BCL2L13: variants seen among roughly 807,000 people sequenced by gnomAD.
BCL2L13 encodes bcl-2-like protein 13.
In BCL2L13, 13 loss-of-function variants were observed where a neutral mutation model predicts 25.8. That is an observed-to-expected ratio of 0.50 (90% CI 0.33 to 0.80). The LOEUF (loss-of-function observed/expected upper bound fraction) is 0.80. BCL2L13 is among the 30% of genes least tolerant of loss of function. The pLI is 0.02. For missense variants in BCL2L13, 504 were observed against 574.9 expected, an observed-to-expected ratio of 0.88 and a Z score of 1.26; for synonymous variants, 244 against 230.3, an observed-to-expected ratio of 1.06 and a Z score of -0.54.
chr22:17,706,224 G>A lies in BCL2L13; in HGVS notation c.600+3838G>A, dbSNP rs1197482327. ...GAGGTTTCACTATGTTGCCCAAGCT[G>A]GTCTCAAACTCCTGGCCTCAAGCAA... On this transcript the variant is annotated intron_variant, in intron 6 of 6. Transcript: ENST00000317582. 6.6e-5 allele frequency among the ~76,000 whole-genome samples: 10 copies of A among 152,020 alleles called. 1 individual carries two copies. Among genetic ancestry groups the A allele is most frequent in the East Asian group, 1.9e-4 (1 of 5,188 alleles).
chr22:17,633,244 T>C (rs1471279885), intron 1 of BCL2L13, among the ~76,000 whole-genome samples: 1 of 152,196 alleles, frequency 6.6e-6, no homozygotes, highest in Non-Finnish European at 1.5e-5. Flanking sequence ...TTCTCCCCCA[T>C]GTTAGTTTCT....
intron 2 of BCL2L13, among the ~76,000 whole-genome samples, chr22:17,671,782 C>G (rs1308772384): frequency 6.6e-6 from 1 of 152,130 alleles, no homozygotes; most frequent in Admixed American, 6.6e-5. Context: ...GGTGCAATCT[C>G]TGCTCACTGC....
At chr22:17,705,113 TA>T (rs35392405) in intron 6 of BCL2L13, among the ~76,000 whole-genome samples, 14,005 of 149,380 alleles carry the variant, frequency 0.094, 765 homozygotes, top group Non-Finnish European at 0.11. Context: ...TTTGATTGAT[TA>T]AAAAAAAAAT....
At chr22:17,695,774 A>C (rs1409432909) in intron 4 of BCL2L13, 1 of 162,656 alleles carries the variant, frequency 6.1e-6, no homozygotes, top group African/African-American at 2.4e-5. Context: ...AAAAGTTAAA[A>C]TTCTGGTTTT....
At chr22:17,666,770 C>G (rs2059247491) in intron 2 of BCL2L13, among the ~76,000 whole-genome samples, 1 of 151,408 alleles carries the variant, frequency 6.6e-6, no homozygotes, top group South Asian at 2.1e-4. Context: ...AAACCTTTGC[C>G]TCCCGGGTCC....
At chr22:17,722,291 C>T (rs2061160939) in intron 6 of BCL2L13, among the ~76,000 whole-genome samples, 1 of 151,788 alleles carries the variant, frequency 6.6e-6, no homozygotes, top group Admixed American at 6.6e-5. Context: ...TACAGTGGCA[C>T]GATCATAGCT....
At chr22:17,697,137 TA>T (rs35494765) in intron 5 of BCL2L13, among the ~76,000 whole-genome samples, 3,079 of 145,274 alleles carry the variant, frequency 0.021, 83 homozygotes, top group African/African-American at 0.069. Context: ...AGGTTCTCTT[TA>T]AAAAAAAAAA....
chr22:17,686,779 G>C (rs1601660599), intron 3 of BCL2L13, among the ~76,000 whole-genome samples: 1 of 152,120 alleles, frequency 6.6e-6, no homozygotes, highest in Non-Finnish European at 1.5e-5. Context: ...AAAGTGCTGG[G>C]ATTACCGGTG....
Position 17,638,775 on chromosome 22 carries a change from G to A in BCL2L13, c.-162G>A. The A allele has an allele frequency of 8.1e-7, 1 of 1,231,686 alleles. No homozygotes were observed. The highest frequency in any genetic ancestry group is 1.0e-6 in the Non-Finnish European group (1 of 987,954). The allele number at this position is 1,231,686 out of a possible 1,614,324, so 76.3% of individuals were successfully genotyped here. On this transcript the variant is annotated 5_prime_UTR_variant, in exon 1 of 7. Transcript: ENST00000317582. ...TGACCTCACCCTCCAACATGGCGGC[G>A]GCGGTAGATTAGGGCCGCGGGTCGG...
At chr22:17,715,170 ATTTTTTTTTTTTTTT>A (rs149600387) in intron 6 of BCL2L13, among the ~76,000 whole-genome samples, 17 of 11,044 alleles carry the variant, frequency 1.5e-3, no homozygotes, top group African/African-American at 6.2e-3. Context: ...ATATATATAT[ATTTTTTTTTTTTTTT>A]TTTTTTTTTT....
rs1568915277 is a variant in BCL2L13 at position 17,640,895 on chromosome 22, TATA to T, written c.-51+2010_-51+2012del. On this transcript the variant is annotated intron_variant, in intron 1 of 6. Transcript: ENST00000317582. Reference sequence around the variant, plus strand: ...TTTATTAATTTTTTATATATATATATATATTTTTTTTTTGAGGCGGAGTGTCGC... The same window carrying T: ...TTTATTAATTTTTTATATATATATATTTTTTTTTTTGAGGCGGAGTGTCGC... Among the ~76,000 whole-genome samples, 251 of 30,972 alleles carry T rather than the reference TATA, an allele frequency of 8.1e-3. 3 individuals carry two copies. Among genetic ancestry groups the T allele is most frequent in the African/African-American group, 0.05 (229 of 4,614 alleles). 20.3% of individuals were successfully genotyped at this position (30,972 alleles called of 152,430 possible). A position where few individuals can be genotyped will look rare whatever the true frequency, so the allele number is the denominator to read the frequency against.
upstream of BCL2L13, chr22:17,638,686 C>A (rs2058154727): frequency 1.6e-6 from 2 of 1,231,570 alleles, no homozygotes; most frequent in South Asian, 4.1e-5. Context: ...CTCCGGATAC[C>A]GTTCCGGATG....
At chr22:17,631,708 T>TATA (rs55903424) in intron 1 of BCL2L13, among the ~76,000 whole-genome samples, 1 of 9,568 alleles carries the variant, frequency 1.0e-4, no homozygotes, top group Non-Finnish European at 2.1e-4. Flanking sequence ...ATATATATAT[T>TATA]TTTTTTTTTT....
At chr22:17,678,890 G>A (rs2059651488) in intron 2 of BCL2L13, among the ~76,000 whole-genome samples, 1 of 152,180 alleles carries the variant, frequency 6.6e-6, no homozygotes. Flanking sequence ...GCTGCTTTTT[G>A]TTAGCTTGTT....
chr22:17,711,089 G>A (rs2060744969), intron 6 of BCL2L13, among the ~76,000 whole-genome samples: 1 of 151,252 alleles, frequency 6.6e-6, no homozygotes, highest in African/African-American at 2.4e-5. Flanking sequence ...TGGTGCGGTG[G>A]CTCATGCCTG....
intron 6 of BCL2L13, among the ~76,000 whole-genome samples, chr22:17,719,850 A>C (rs1404610380): frequency 2.0e-5 from 3 of 149,306 alleles, no homozygotes; most frequent in East Asian, 3.9e-4. Context: ...AAAAAAAAAA[A>C]GAATGAAGTA....
intron 1 of BCL2L13, among the ~76,000 whole-genome samples, chr22:17,632,048 C>T (rs940010382): frequency 5.3e-5 from 8 of 152,094 alleles, no homozygotes; most frequent in Non-Finnish European, 1.2e-4. Context: ...GCTGTTAATA[C>T]ATGCTGCCAT....
At chr22:17,691,866 C>T (rs1393466407) in intron 4 of BCL2L13, among the ~76,000 whole-genome samples, 1 of 147,276 alleles carries the variant, frequency 6.8e-6, no homozygotes. Flanking sequence ...ACAGCAAATT[C>T]TATTTAAAGG....
chr22:17,683,298 C>A lies in BCL2L13; in HGVS notation c.206C>A (p.Ser69Tyr). ...VKTEIEEELK[S>Y]LDKEISEAFT... ...ACTGAAATTGAAGAAGAGCTAAAAT[C>A]TCTGGACAAAGAAATTTCTGAAGGT... The change falls in exon 3 of 7, where the codon TCT (serine) becomes TAT (tyrosine). Residue 69 changes from serine to tyrosine, a missense_variant. By Grantham distance (144) the Ser-to-Tyr change is moderately radical. Coordinates refer to ENST00000317582, the MANE Select transcript of BCL2L13 (RefSeq NM_015367.4). 6.4e-7 allele frequency: 1 copy of A among 1,570,940 alleles called. No homozygotes were observed. Among genetic ancestry groups the A allele is most frequent in the Non-Finnish European group, 8.7e-7 (1 of 1,152,326 alleles).
Sources: gnomAD v4.1 joint callset for allele counts (sites outside exome capture counted in the v4.1 genomes callset) on GRCh38, gnomAD v4.1.1 for gene constraint, MANE v1.5 for transcripts, NCBI Gene and HGNC (gene_info 2026-07-23, HGNC 2026-07-21) for gene names.